The following LRRC4C variants were observed in gnomAD, a reference collection of about 807,000 sequenced individuals.
The protein encoded by LRRC4C is leucine-rich repeat-containing protein 4C.
Under a neutral mutation model 33.6 loss-of-function variants are expected in LRRC4C, and 5 were observed. That is an observed-to-expected ratio of 0.15 (90% CI 0.08 to 0.31). LRRC4C has a LOEUF of 0.31. Among genes scored for constraint, LRRC4C ranks in the 10% least tolerant of loss-of-function variants. The pLI is 1.00. For missense variants in LRRC4C, 560 were observed against 796.7 expected (o/e 0.70, Z 3.58); for synonymous variants, 329 against 302.0 (o/e 1.09, Z -0.93).
intron 3 of LRRC4C, among the ~76,000 whole-genome samples, chr11:40,412,086 G>C (rs1950176511): frequency 6.6e-6 from 1 of 151,778 alleles, no homozygotes; most frequent in African/African-American, 2.4e-5. Context: ...CTCTTATTTT[G>C]CTATGATGGC....
rs868454729 is a variant in LRRC4C, at chr11:40,711,264, G to A, written c.-406-62986C>T. 5.3e-5 allele frequency among the ~76,000 whole-genome samples: 8 copies of A among 152,240 alleles called. No individual in the cohort carries two copies. In the South Asian group the frequency reaches 1.2e-3, roughly 24 times the overall value. Reference sequence around the variant, plus strand: ...TCAGTTGGAGATGCAGAAATCACCCGTCTTCTGCATCAATCACACTGGGAG... The same window carrying A: ...TCAGTTGGAGATGCAGAAATCACCCATCTTCTGCATCAATCACACTGGGAG... On this transcript the variant is annotated intron_variant, in intron 2 of 6. Transcript: ENST00000528697.
At chr11:40,720,115 CTTT>C (rs1946939455) in intron 2 of LRRC4C, among the ~76,000 whole-genome samples, 3 of 152,096 alleles carry the variant, frequency 2.0e-5, no homozygotes, top group African/African-American at 7.2e-5. Context: ...ACTCATGTTT[CTTT>C]TCCCATCTCC....
At chr11:40,471,029 A>G (rs1325964948) in intron 3 of LRRC4C, among the ~76,000 whole-genome samples, 2 of 152,172 alleles carry the variant, frequency 1.3e-5, no homozygotes, top group Non-Finnish European at 2.9e-5. Flanking sequence ...CAGGAAATAC[A>G]GAGAACACCA....
At chr11:41,141,395 C>T (rs1382433555) in intron 1 of LRRC4C, among the ~76,000 whole-genome samples, 1 of 152,032 alleles carries the variant, frequency 6.6e-6, no homozygotes, top group Non-Finnish European at 1.5e-5. Flanking sequence ...GATCCAACTG[C>T]TCATTAAAAA....
At chr11:40,268,373 C>T (rs1590867109) in intron 4 of LRRC4C, among the ~76,000 whole-genome samples, 2 of 152,234 alleles carry the variant, frequency 1.3e-5, no homozygotes, top group East Asian at 3.9e-4. Flanking sequence ...CTTGAAAAAA[C>T]CATGATGCTT....
At chr11:40,208,086 T>G (rs1260807513) in intron 5 of LRRC4C, among the ~76,000 whole-genome samples, 1 of 152,226 alleles carries the variant, frequency 6.6e-6, no homozygotes, top group Non-Finnish European at 1.5e-5. Context: ...TCTGATTTCT[T>G]TCCTGTATTG....
Position 41,266,414 on chromosome 11 carries a change from A to G in LRRC4C, c.-496+193017T>C, listed in dbSNP as rs763324706. On this transcript the variant is annotated intron_variant, in intron 1 of 6. Coordinates refer to ENST00000528697, the MANE Select transcript of LRRC4C (RefSeq NM_001258419.2). The stretch of plus-strand genomic sequence containing the variant: ...AGTTTTATGACTGGAGCTAAAGGTA[A>G]ACCCAACAGAATTTATAAACCTGAC... 4.1e-4 allele frequency among the ~76,000 whole-genome samples: 62 copies of G among 152,118 alleles called. 1 individual carries two copies. Among genetic ancestry groups the G allele is most frequent in the Non-Finnish European group, 4.1e-4 (28 of 67,996 alleles).
At chr11:40,629,829 A>G (rs1410916362) in intron 3 of LRRC4C, among the ~76,000 whole-genome samples, 1 of 152,202 alleles carries the variant, frequency 6.6e-6, no homozygotes, top group Non-Finnish European at 1.5e-5. Flanking sequence ...AAAAATATAT[A>G]TCTTTCTACA....
chr11:41,278,015 G>T (rs942441403), intron 1 of LRRC4C, among the ~76,000 whole-genome samples: 3 of 152,080 alleles, frequency 2.0e-5, no homozygotes, highest in Admixed American at 2.0e-4. Flanking sequence ...TACAATGGTG[G>T]TTACCAGAAG....
At chr11:40,815,162 G>A (rs1951656357) in intron 2 of LRRC4C, among the ~76,000 whole-genome samples, 1 of 152,098 alleles carries the variant, frequency 6.6e-6, no homozygotes, top group Non-Finnish European at 1.5e-5. Flanking sequence ...AGATGACTGG[G>A]GAGACCTCAC....
intron 3 of LRRC4C, among the ~76,000 whole-genome samples, chr11:40,424,026 T>G (rs1590691379): frequency 6.6e-6 from 1 of 152,268 alleles, no homozygotes; most frequent in East Asian, 1.9e-4. Context: ...TGTTAAACAT[T>G]TACCAGGGGG....
chr11:41,099,383 A>C (rs1249698153), intron 1 of LRRC4C, among the ~76,000 whole-genome samples: 2 of 151,028 alleles, frequency 1.3e-5, no homozygotes, highest in African/African-American at 2.5e-5. Context: ...AGACATAAAA[A>C]AAAAAAGAAA....
Position 40,145,365 on chromosome 11 carries a change from C to T in LRRC4C, c.-95-4512G>A, listed in dbSNP as rs551469481. On this transcript the variant is annotated intron_variant, in intron 5 of 6. Transcript: ENST00000528697. The stretch of plus-strand genomic sequence containing the variant: ...ATGATTTTAGAAGTGCCCAGTTGGC[C>T]AATCAAATTTCTAGGATCTATGGAA... Among the ~76,000 whole-genome samples the T allele has an allele frequency of 1.4e-4, 21 of 152,108 alleles. 1 individual carries two copies. In the East Asian group the frequency reaches 4.1e-3, roughly 29 times the overall value.
chr11:40,249,774 A>T (rs1866632089), intron 4 of LRRC4C, among the ~76,000 whole-genome samples: 1 of 151,916 alleles, frequency 6.6e-6, no homozygotes, highest in African/African-American at 2.4e-5. Flanking sequence ...TTTTCCTTCA[A>T]AGATCCATTC....
intron 3 of LRRC4C, among the ~76,000 whole-genome samples, chr11:40,348,879 T>G (rs1479530149): frequency 6.6e-6 from 1 of 152,198 alleles, no homozygotes; most frequent in Admixed American, 6.5e-5. Flanking sequence ...AAATGTCTTT[T>G]TAAATGTTAA....
intron 1 of LRRC4C, among the ~76,000 whole-genome samples, chr11:41,168,031 T>G (rs1315155150): frequency 1.3e-5 from 2 of 152,174 alleles, no homozygotes; most frequent in Non-Finnish European, 2.9e-5. Context: ...TCTGTTATTG[T>G]TTGATAGTCT....
At chr11:40,256,418 G>A (rs2136219645) in intron 4 of LRRC4C, among the ~76,000 whole-genome samples, 1 of 152,196 alleles carries the variant, frequency 6.6e-6, no homozygotes, top group East Asian at 1.9e-4. Context: ...TTGGTAGAGT[G>A]CATGGCATAG....
At chr11:40,897,950 A>G (rs1956024967) in intron 2 of LRRC4C, among the ~76,000 whole-genome samples, 1 of 152,202 alleles carries the variant, frequency 6.6e-6, no homozygotes, top group Non-Finnish European at 1.5e-5. Flanking sequence ...GCTTGTTCCC[A>G]AAACTGTTTA....
chr11:41,408,565 G>A (rs538762790), intron 1 of LRRC4C, among the ~76,000 whole-genome samples: 2 of 152,118 alleles, frequency 1.3e-5, no homozygotes, highest in East Asian at 3.9e-4. Context: ...TTAAGTATCT[G>A]CCAGGATACC....
Sources: gnomAD v4.1 joint callset for allele counts (sites outside exome capture counted in the v4.1 genomes callset) on GRCh38, gnomAD v4.1.1 for gene constraint, MANE v1.5 for transcripts, NCBI Gene and HGNC (gene_info 2026-07-23, HGNC 2026-07-21) for gene names.